Variants in SDK2 observed in about 807,000 individuals in gnomAD.
SDK2 encodes protein sidekick-2.
A neutral mutation model predicts 253.9 loss-of-function variants in SDK2; 105 were observed. That is an observed-to-expected ratio of 0.41 (90% confidence interval 0.35 to 0.49). The LOEUF (loss-of-function observed/expected upper bound fraction) is 0.49. Among genes scored for constraint, SDK2 ranks in the 20% least tolerant of loss-of-function variants. SDK2 has a pLI of 0.06. For missense variants in SDK2, 2,608 were observed against 3,003.0 expected, an observed-to-expected ratio of 0.87 and a Z score of 3.07; for synonymous variants, 1,249 against 1,234.9, an observed-to-expected ratio of 1.01 and a Z score of -0.24.
intron 1 of SDK2, among the ~76,000 whole-genome samples, chr17:73,638,900 C>T (rs973562137): frequency 6.6e-6 from 1 of 151,374 alleles, no homozygotes; most frequent in Non-Finnish European, 1.5e-5. Flanking sequence ...ACCTCCGCCT[C>T]CCAGGTTCAA....
chr17:73,418,285 CGT>C (rs1568393689), intron 16 of SDK2, among the ~76,000 whole-genome samples: 1 of 152,156 alleles, frequency 6.6e-6, no homozygotes, highest in Non-Finnish European at 1.5e-5. Flanking sequence ...GGATTACAGG[CGT>C]GAAACACCAC....
chr17:73,582,854 G>C (rs1053162016), intron 1 of SDK2, among the ~76,000 whole-genome samples: 1 of 152,168 alleles, frequency 6.6e-6, no homozygotes, highest in African/African-American at 2.4e-5. Flanking sequence ...GAAGCGTGGT[G>C]GTCAGGACTC....
At chr17:73,376,088 G>A (rs1049614063) in intron 36 of SDK2, among the ~76,000 whole-genome samples, 9 of 152,022 alleles carry the variant, frequency 5.9e-5, no homozygotes, top group African/African-American at 2.2e-4. Flanking sequence ...CAGCTACTTG[G>A]GAGGCGGAGG....
At chr17:73,583,142 T>G (rs1181983570) in intron 1 of SDK2, among the ~76,000 whole-genome samples, 4 of 152,228 alleles carry the variant, frequency 2.6e-5, no homozygotes, top group Non-Finnish European at 5.9e-5. Flanking sequence ...GTTCAATATT[T>G]TCACAGAATC....
chr17:73,422,632 G>A (rs2081198656), intron 14 of SDK2, among the ~76,000 whole-genome samples, 198 bp from the exon 15 acceptor site: 1 of 152,052 alleles, frequency 6.6e-6, no homozygotes, highest in African/African-American at 2.4e-5. Flanking sequence ...GACGGTGGAG[G>A]GTGCCGGAGG....
intron 1 of SDK2, among the ~76,000 whole-genome samples, chr17:73,599,961 C>T (rs1328001892): frequency 6.6e-6 from 1 of 152,254 alleles, no homozygotes; most frequent in African/African-American, 2.4e-5. Flanking sequence ...TATGTGACTG[C>T]TGTTGTGATT....
At chr17:73,366,411 G>A (rs1270882076) in intron 37 of SDK2, among the ~76,000 whole-genome samples, 1 of 152,178 alleles carries the variant, frequency 6.6e-6, no homozygotes. Context: ...AGACCCTGGG[G>A]GTAGTGGAGG....
At chr17:73,353,103 C>T (rs936539101) in intron 40 of SDK2, among the ~76,000 whole-genome samples, 4 of 148,178 alleles carry the variant, frequency 2.7e-5, no homozygotes, top group Admixed American at 1.4e-4. Flanking sequence ...AAAAAAAAGA[C>T]ACCTTTTGGA....
At chr17:73,565,735 G>A (rs1413981009) in intron 1 of SDK2, among the ~76,000 whole-genome samples, 2 of 152,238 alleles carry the variant, frequency 1.3e-5, no homozygotes. Flanking sequence ...TGGGTAAGGG[G>A]GTTCCCCCAT....
intron 12 of SDK2, among the ~76,000 whole-genome samples, chr17:73,428,465 A>C (rs1458259849): frequency 6.6e-6 from 1 of 152,050 alleles, no homozygotes; most frequent in Non-Finnish European, 1.5e-5. Flanking sequence ...AGGACGTGTC[A>C]CTCAGGATTC....
intron 1 of SDK2, among the ~76,000 whole-genome samples, chr17:73,562,567 C>T (rs915491396): frequency 1.3e-5 from 2 of 151,744 alleles, no homozygotes; most frequent in African/African-American, 2.4e-5. Context: ...ACAGGAGAGG[C>T]GGGGAGAAGA....
chr17:73,362,827 A>G (rs1420003170), intron 38 of SDK2, among the ~76,000 whole-genome samples: 1 of 152,236 alleles, frequency 6.6e-6, no homozygotes, highest in East Asian at 1.9e-4. Context: ...CCTGACTGCC[A>G]GCCTCCCTGG....
At chr17:73,440,990 A>C in intron 5 of SDK2, 67 bp from the exon 6 acceptor site, 14 of 1,206,570 alleles carry the variant, frequency 1.2e-5, no homozygotes, top group Non-Finnish European at 1.6e-5. Flanking sequence ...GCCTCATTAG[A>C]GGCTGATGCC....
chr17:73,570,772 C>A lies in SDK2; in HGVS notation c.65-63175G>T, dbSNP rs2045374250. 6.6e-6 allele frequency among the ~76,000 whole-genome samples: 1 copy of A among 152,196 alleles called. No homozygotes were observed. Among genetic ancestry groups the A allele is most frequent in the African/African-American group, 2.4e-5 (1 of 41,464 alleles). On this transcript the variant is annotated intron_variant, in intron 1 of 44. Coordinates refer to ENST00000392650, the MANE Select transcript of SDK2 (RefSeq NM_001144952.2). This position sits in a 1 kb window ranked among gnomAD's most constrained non-coding sequence, Gnocchi z 4.2. ...AACACCGGAGCCCTTTGGAGGGGCC[C>A]TCTTCTACCCATTCCTGTGTTCTTC...
intron 2 of SDK2, among the ~76,000 whole-genome samples, chr17:73,487,609 C>A (rs939284229): frequency 1.3e-5 from 2 of 152,242 alleles, no homozygotes; most frequent in Non-Finnish European, 2.9e-5. Flanking sequence ...TCTTGGGCCC[C>A]ACCCCAGACC....
intron 1 of SDK2, among the ~76,000 whole-genome samples, chr17:73,591,717 G>A (rs190918544): frequency 8.5e-5 from 13 of 152,248 alleles, no homozygotes; most frequent in African/African-American, 2.9e-4. Context: ...ATGGCATGGC[G>A]AAAGGTATGA....
In SDK2 at chr17:73,372,993, C is replaced by T. The variant is rs188518509; in HGVS notation, c.4981-4400G>A. On this transcript the variant is annotated intron_variant, in intron 36 of 44. Coordinates refer to ENST00000392650, the MANE Select transcript of SDK2 (RefSeq NM_001144952.2). ...CTAGATCGTATTCAGCCTGCTTCACCGAAACGCTGTATCCTGGGACCTTCT... is the reference window on the plus strand; with the variant it reads ...CTAGATCGTATTCAGCCTGCTTCACTGAAACGCTGTATCCTGGGACCTTCT... Among the ~76,000 whole-genome samples, 473 of 152,256 alleles carry T rather than the reference C, an allele frequency of 3.1e-3. 2 individuals are homozygous for T. The highest frequency in any genetic ancestry group is 0.011 in the African/African-American group (456 of 41,568).
At chr17:73,564,806 C>T (rs1433749961) in intron 1 of SDK2, among the ~76,000 whole-genome samples, 1 of 149,430 alleles carries the variant, frequency 6.7e-6, no homozygotes, top group Non-Finnish European at 1.5e-5. Flanking sequence ...GCTTGGGGGA[C>T]AGAGAGAGAC....
At chr17:73,463,904 A>G (rs1182853500) in intron 3 of SDK2, among the ~76,000 whole-genome samples, 2 of 152,100 alleles carry the variant, frequency 1.3e-5, no homozygotes, top group Non-Finnish European at 2.9e-5. Context: ...TTGTGGGGTT[A>G]TACACACATT....
Sources: allele counts gnomAD v4.1 joint callset (sites outside exome capture counted in the v4.1 genomes callset), GRCh38; gene constraint gnomAD v4.1.1; non-coding constraint Gnocchi (gnomAD v3.1); transcripts MANE v1.5; gene names NCBI Gene and HGNC (gene_info 2026-07-23, HGNC 2026-07-21).